MFHAS1: variants seen among roughly 807,000 people sequenced by gnomAD.
MFHAS1 encodes the protein multifunctional ROCO family signaling regulator 1.
Under a neutral mutation model 70.4 loss-of-function variants are expected in MFHAS1, and 50 were observed. The ratio of observed to expected loss-of-function variants is 0.71; its 90% CI spans 0.57 to 0.90. The LOEUF (loss-of-function observed/expected upper bound fraction) is 0.90. MFHAS1 is among the 40% of genes least tolerant of loss of function. The pLI, the probability that MFHAS1 is intolerant of heterozygous loss-of-function variation, is 0.00. For missense variants in MFHAS1, 1,795 were observed against 1,347.6 expected (o/e 1.33, Z -5.20); for synonymous variants, 952 against 620.0 (o/e 1.54, Z -7.96).
intron 1 of MFHAS1, among the ~76,000 whole-genome samples, chr8:8,852,446 G>A (rs1012128115): frequency 6.6e-6 from 1 of 150,930 alleles, no homozygotes; most frequent in African/African-American, 2.4e-5. Context: ...TCCAGCGTAA[G>A]CAACAAAGCG....
chr8:8,851,665 A>G (rs1808252181), intron 1 of MFHAS1, among the ~76,000 whole-genome samples: 1 of 152,222 alleles, frequency 6.6e-6, no homozygotes, highest in South Asian at 2.1e-4. Flanking sequence ...ATTCTTTCAT[A>G]TTATACCCCT....
intron 1 of MFHAS1, 149 bp from the exon 2 acceptor site, chr8:8,797,640 AC>A: frequency 1.1e-6 from 1 of 886,972 alleles, no homozygotes; most frequent in Non-Finnish European, 1.6e-6. Context: ...GCAACCAAGA[AC>A]AGCAGAACTG....
rs1026661729 is a variant in MFHAS1, at chr8:8,785,959, C to T, written c.*63G>A. 7.1e-6 allele frequency: 11 copies of T among 1,547,290 alleles called. No homozygotes were observed. Among genetic ancestry groups the T allele is most frequent in the Non-Finnish European group, 9.8e-6 (11 of 1,124,108 alleles). On this transcript the variant is annotated 3_prime_UTR_variant, in exon 3 of 3. Coordinates refer to ENST00000276282, the MANE Select transcript of MFHAS1 (RefSeq NM_004225.3). ...GTGAGTGCAGAGGGTCTGCCAGGTG[C>T]AAAAGATGGTCCAGGTGTTCAGATG...
At chr8:8,795,938 A>T (rs1479787426) in intron 2 of MFHAS1, among the ~76,000 whole-genome samples, 1 of 152,244 alleles carries the variant, frequency 6.6e-6, no homozygotes, top group Admixed American at 6.5e-5. Context: ...TGCTGCATGG[A>T]TATGAATACT....
intron 1 of MFHAS1, among the ~76,000 whole-genome samples, chr8:8,802,691 C>T (rs774621919): frequency 5.3e-5 from 8 of 152,182 alleles, no homozygotes; most frequent in Non-Finnish European, 1.2e-4. Context: ...CCAGACTGTC[C>T]ATGATCAGCT....
chr8:8,877,301 C>A (rs868287670), intron 1 of MFHAS1, among the ~76,000 whole-genome samples: 784 of 63,524 alleles, frequency 0.012, no homozygotes, highest in African/African-American at 0.019. Flanking sequence ...GACCCTGCCT[C>A]AAAAAAAAAA....
rs74453389 is a variant in MFHAS1, at chr8:8,818,306, A to C, written c.2999-20815T>G. On this transcript the variant is annotated intron_variant, in intron 1 of 2. Coordinates refer to ENST00000276282, the MANE Select transcript of MFHAS1 (RefSeq NM_004225.3). ...ACAACCTTATTAAAAGTGACTTCTT[A>C]AGTACAAGCAAAGTCATACATCACA... Among the ~76,000 whole-genome samples, 502 of 152,330 alleles carry C rather than the reference A, an allele frequency of 3.3e-3. 2 individuals are homozygous for C. Among genetic ancestry groups the C allele is most frequent in the African/African-American group, 0.011 (473 of 41,572 alleles).
chr8:8,797,528 T>C (rs1435105088), intron 1 of MFHAS1, 37 bp from the exon 2 acceptor site: 3 of 1,595,198 alleles, frequency 1.9e-6, no homozygotes, highest in Middle Eastern at 1.7e-4. Flanking sequence ...TAGGGAGATG[T>C]GCACTAAAAA....
intron 1 of MFHAS1, among the ~76,000 whole-genome samples, chr8:8,889,256 C>A (rs75054311): frequency 0.017 from 2,594 of 152,258 alleles, 68 homozygotes; most frequent in African/African-American, 0.059. Context: ...AAACTCGAAA[C>A]TGCCAGGAAA....
chr8:8,821,671 C>A (rs990716892), intron 1 of MFHAS1: 22 of 152,194 alleles, frequency 1.4e-4, no homozygotes, highest in African/African-American at 4.8e-4. Context: ...ATTAAATCCT[C>A]CTCTGCCTCC....
chr8:8,786,098 G>C lies in MFHAS1; in HGVS notation c.3126-43C>G, dbSNP rs369638545. The C allele has an allele frequency of 3.2e-6, 5 of 1,553,942 alleles. No individual in the cohort carries two copies. The East Asian group carries it at 1.1e-4, about 35-fold the overall frequency. On this transcript the variant is annotated intron_variant, in intron 2 of 2. Coordinates refer to ENST00000276282, the MANE Select transcript of MFHAS1 (RefSeq NM_004225.3). Reference sequence around the variant, plus strand: ...AAGAAAGCACAGAGATGACAAAAACGTACTGGACAATGCTACCCTCAATAA... The same window carrying C: ...AAGAAAGCACAGAGATGACAAAAACCTACTGGACAATGCTACCCTCAATAA...
chr8:8,784,673 CTCT>C lies in MFHAS1; in HGVS notation c.*1346_*1348del, dbSNP rs1453042294. ...AAGAGTAGCGAGTACCAGCAACTCA[CTCT>C]TCTTGTCTGAGGCTGGCGAGAAGCA... On this transcript the variant is annotated 3_prime_UTR_variant, in exon 3 of 3. Transcript: ENST00000276282. 1 of 152,314 alleles carries C rather than the reference CTCT, an allele frequency of 6.6e-6. No individual in the cohort carries two copies. Among genetic ancestry groups the C allele is most frequent in the Middle Eastern group, 3.4e-3 (1 of 294 alleles). 9.4% of individuals were successfully genotyped at this position (152,314 alleles called of 1,614,324 possible).
intron 1 of MFHAS1, among the ~76,000 whole-genome samples, chr8:8,878,520 C>G (rs1286365694): frequency 6.6e-6 from 1 of 152,040 alleles, no homozygotes; most frequent in Non-Finnish European, 1.5e-5. Flanking sequence ...TGATGATTAA[C>G]ACAATTACCT....
At chr8:8,808,060 T>A (rs1190090238) in intron 1 of MFHAS1, among the ~76,000 whole-genome samples, 3 of 152,206 alleles carry the variant, frequency 2.0e-5, no homozygotes, top group Admixed American at 6.5e-5. Context: ...AATCTCGACC[T>A]GTCCAGCTCC....
intron 1 of MFHAS1, among the ~76,000 whole-genome samples, chr8:8,802,468 G>A (rs79296712): frequency 0.14 from 20,820 of 152,158 alleles, 1,887 homozygotes; most frequent in Non-Finnish European, 0.2. Context: ...TCATACAAGC[G>A]CATGTGAGGA....
At chr8:8,848,509 C>A (rs912986814) in intron 1 of MFHAS1, among the ~76,000 whole-genome samples, 1 of 151,968 alleles carries the variant, frequency 6.6e-6, no homozygotes, top group African/African-American at 2.4e-5. Context: ...AAAGGGCAAA[C>A]GGCTCAGGCA....
rs1260320861 is a variant in MFHAS1, at chr8:8,890,897, G to A, written c.2162C>T (p.Ala721Val). 6.2e-7 allele frequency: 1 copy of A among 1,614,114 alleles called. No homozygotes were observed. Among genetic ancestry groups the A allele is most frequent in the Non-Finnish European group, 8.5e-7 (1 of 1,180,026 alleles). The change falls in exon 1 of 3, where the codon GCT becomes GTT. Residue 721 changes from alanine to valine, a missense_variant. Transcript: ENST00000276282. ...GTTGTGGAAGACGTGCTCCTTGAGA[G>A]CCGGACTGTCCTCAAAGTAGAGTAG... ...GKLLYFEDSP[A>V]LKEHVFHNLT...
intron 2 of MFHAS1, among the ~76,000 whole-genome samples, chr8:8,788,726 T>C (rs1256854218): frequency 6.6e-6 from 1 of 152,196 alleles, no homozygotes; most frequent in African/African-American, 2.4e-5. Context: ...ACAGAGTGAC[T>C]GGTTACAGTT....
chr8:8,833,752 G>A (rs1376234695), intron 1 of MFHAS1, among the ~76,000 whole-genome samples: 1 of 152,152 alleles, frequency 6.6e-6, no homozygotes, highest in African/African-American at 2.4e-5. Flanking sequence ...ACATGTGAAT[G>A]TTCATAGTGA....
Sources: gnomAD v4.1 joint callset for allele counts (sites outside exome capture counted in the v4.1 genomes callset) on GRCh38, gnomAD v4.1.1 for gene constraint, MANE v1.5 for transcripts, NCBI Gene and HGNC (gene_info 2026-07-23, HGNC 2026-07-21) for gene names.